The following ZC3H12B variants were observed in gnomAD, a reference collection of about 807,000 sequenced individuals.
ZC3H12B encodes probable ribonuclease ZC3H12B.
Under a neutral mutation model 43.9 loss-of-function variants are expected in ZC3H12B, and 7 were observed. The observed-to-expected ratio is 0.16, with a 90% confidence interval of 0.09 to 0.30. The LOEUF (loss-of-function observed/expected upper bound fraction) is 0.30, where lower values mean the gene tolerates loss of function less well. ZC3H12B is among the 10% of genes least tolerant of loss of function. ZC3H12B has a pLI of 1.00. For synonymous variants in ZC3H12B, 222 were observed against 241.7 expected (o/e 0.92, Z 0.76); for missense variants, 475 against 670.2 (o/e 0.71, Z 3.22).
At chrX:65,120,517 G>A in the ZC3H12B span, among the ~76,000 whole-genome samples, 1 of 111,829 alleles carries the variant, frequency 8.9e-6, no homozygotes, top group Admixed American at 9.5e-5. Flanking sequence ...AGACTTTGCT[G>A]AAGTTGCCTA....
intron 3 of ZC3H12B, among the ~76,000 whole-genome samples, chrX:65,437,164 G>T (rs181938078): frequency 1.9e-3 from 208 of 110,600 alleles, no homozygotes; most frequent in African/African-American, 6.5e-3. Flanking sequence ...TGTGGGCCAG[G>T]CTGGTCTTGA....
chrX:65,258,217 C>A, the ZC3H12B span, among the ~76,000 whole-genome samples: 1 of 111,794 alleles, frequency 8.9e-6, no homozygotes, highest in South Asian at 3.7e-4. Context: ...AGCTAATCCA[C>A]CACAATCAAG....
chrX:65,127,968 G>T, the ZC3H12B span, among the ~76,000 whole-genome samples: 1 of 111,783 alleles, frequency 8.9e-6, no homozygotes, highest in East Asian at 2.8e-4. Flanking sequence ...CGTTGAAAAA[G>T]CAAGCAGACT....
At chrX:65,317,044 CAAAG>C in the ZC3H12B span, among the ~76,000 whole-genome samples, 1 of 110,900 alleles carries the variant, frequency 9.0e-6, no homozygotes, top group Admixed American at 9.6e-5. Context: ...TCAAAAAAGA[CAAAG>C]AATGGCATTA....
chrX:65,292,377 A>T, the ZC3H12B span, among the ~76,000 whole-genome samples: 1 of 111,924 alleles, frequency 8.9e-6, no homozygotes, highest in Admixed American at 9.5e-5. Context: ...TAACACAGGA[A>T]AAGAAAACCA....
At chrX:65,426,392 CAAAAA>C (rs58910748) in intron 3 of ZC3H12B, among the ~76,000 whole-genome samples, 2 of 42,202 alleles carry the variant, frequency 4.7e-5, no homozygotes, top group African/African-American at 1.4e-4. Flanking sequence ...TAATTATTTC[CAAAAA>C]AAAAAAAAAA....
the ZC3H12B span, among the ~76,000 whole-genome samples, chrX:65,183,036 C>A: frequency 1.8e-5 from 2 of 111,746 alleles, no homozygotes; most frequent in Non-Finnish European, 3.8e-5. Context: ...GAACTTAAAA[C>A]AGAATTGCCA....
At chrX:65,088,081 G>A in the ZC3H12B span, among the ~76,000 whole-genome samples, 2 of 111,808 alleles carry the variant, frequency 1.8e-5, no homozygotes, top group Non-Finnish European at 3.8e-5. Flanking sequence ...ACAGTCTGTA[G>A]CCTCCAGATA....
chrX:65,148,966 C>CT, the ZC3H12B span, among the ~76,000 whole-genome samples: 1 of 110,752 alleles, frequency 9.0e-6, no homozygotes, highest in Non-Finnish European at 1.9e-5. Flanking sequence ...ATTTTGTCTC[C>CT]TTTTATGTTT....
At chrX:65,497,813 G>A (rs2068310332) in intron 2 of ZC3H12B, among the ~76,000 whole-genome samples, 1 of 112,353 alleles carries the variant, frequency 8.9e-6, no homozygotes, top group African/African-American at 3.2e-5. Context: ...AGAAAAAATT[G>A]AATATAACAG....
the ZC3H12B span, among the ~76,000 whole-genome samples, chrX:65,306,575 G>C: frequency 9.0e-6 from 1 of 111,041 alleles, no homozygotes; most frequent in Non-Finnish European, 1.9e-5. Context: ...GGGTTGCACT[G>C]TGTTGCCCAG....
chrX:65,075,436 G>A, the ZC3H12B span, among the ~76,000 whole-genome samples: 2 of 112,317 alleles, frequency 1.8e-5, no homozygotes, highest in Non-Finnish European at 3.8e-5. Context: ...ATATCCTGTG[G>A]AATAGCAGCA....
rs111812770 is a variant in ZC3H12B at position 65,449,066 on chromosome X, GGAAAGAAA to G, written n.408-39569_408-39562del. ...AGGAAGGAAAGAAAGAAAGAAGGAA[GGAAAGAAA>G]GAAAGAAAGAGAAACAGAAAGAAAA... On this transcript the variant is annotated intron_variant and non_coding_transcript_variant, in intron 3 of 5. Transcript: ENST00000617377. 2.2e-3 allele frequency among the ~76,000 whole-genome samples: 236 copies of G among 105,221 alleles called. 2 individuals carry two copies. Among genetic ancestry groups the G allele is most frequent in the Non-Finnish European group, 4.0e-3 (204 of 51,254 alleles). 91.4% of individuals were successfully genotyped at this position (105,221 alleles called of 115,157 possible).
At chrX:65,119,287 T>C in the ZC3H12B span, among the ~76,000 whole-genome samples, 1 of 111,381 alleles carries the variant, frequency 9.0e-6, no homozygotes, top group Non-Finnish European at 1.9e-5. Flanking sequence ...GTGTTCCTAT[T>C]TCTCCACATC....
At chrX:65,379,849 G>A (rs1174039101) in intron 2 of ZC3H12B, among the ~76,000 whole-genome samples, 2 of 112,200 alleles carry the variant, frequency 1.8e-5, no homozygotes, top group Non-Finnish European at 3.8e-5. Context: ...CTGGAAGAAA[G>A]GGTGTCAACG....
At chrX:65,380,738 G>C (rs189994056) in intron 2 of ZC3H12B, among the ~76,000 whole-genome samples, 1 of 111,555 alleles carries the variant, frequency 9.0e-6, no homozygotes, top group African/African-American at 3.3e-5. Flanking sequence ...ACACACATAG[G>C]CTCAAAATAA....
chrX:65,220,271 A>G, the ZC3H12B span, among the ~76,000 whole-genome samples: 4 of 111,918 alleles, frequency 3.6e-5, no homozygotes, highest in East Asian at 1.1e-3. Flanking sequence ...ATTTCACAGT[A>G]CCTATAAAAC....
chrX:65,491,166 A>G (rs2068196831), intron 1 of ZC3H12B, among the ~76,000 whole-genome samples: 1 of 112,078 alleles, frequency 8.9e-6, no homozygotes, highest in South Asian at 3.7e-4. Flanking sequence ...AATGAAATGA[A>G]ACAAACTAAC....
At chrX:65,111,230 C>T in the ZC3H12B span, among the ~76,000 whole-genome samples, 3 of 110,966 alleles carry the variant, frequency 2.7e-5, no homozygotes, top group Admixed American at 9.6e-5. Flanking sequence ...CCTTATCTTG[C>T]CTTATTGCGG....
Sources: gnomAD v4.1 joint callset for allele counts (sites outside exome capture counted in the v4.1 genomes callset) on GRCh38, gnomAD v4.1.1 for gene constraint, MANE v1.5 for transcripts, NCBI Gene and HGNC (gene_info 2026-07-23, HGNC 2026-07-21) for gene names.